ERBB4: variants seen among roughly 807,000 people sequenced by gnomAD.
ERBB4 encodes receptor tyrosine-protein kinase erbB-4.
In ERBB4, 42 loss-of-function variants were observed where a neutral mutation model predicts 158.0. That is an observed-to-expected ratio of 0.27 (90% CI 0.21 to 0.34). ERBB4 has a LOEUF of 0.34. Ranked by LOEUF, ERBB4 falls within the 10% of genes least tolerant of loss-of-function variation. The pLI, the probability that ERBB4 is intolerant of heterozygous loss-of-function variation, is 1.00. For missense variants in ERBB4, 1,333 were observed against 1,624.1 expected, an observed-to-expected ratio of 0.82 and a Z score of 3.08; for synonymous variants, 583 against 558.7, an observed-to-expected ratio of 1.04 and a Z score of -0.61.
intron 1 of ERBB4, among the ~76,000 whole-genome samples, chr2:212,195,712 A>G (rs2082407071): frequency 6.6e-6 from 1 of 152,110 alleles, no homozygotes; most frequent in Non-Finnish European, 1.5e-5. Context: ...ATGGCTTACC[A>G]TATCCCTATA....
chr2:212,367,465 G>A (rs2089932765), intron 1 of ERBB4, among the ~76,000 whole-genome samples: 1 of 152,048 alleles, frequency 6.6e-6, no homozygotes, highest in African/African-American at 2.4e-5. Flanking sequence ...TTAAACTTAA[G>A]ACCTGAAACT....
Position 212,369,484 on chromosome 2 carries a change from C to T in ERBB4, c.82+168965G>A, listed in dbSNP as rs182974533. Among the ~76,000 whole-genome samples the T allele has an allele frequency of 7.2e-5, 11 of 152,006 alleles. No individual in the cohort carries two copies. The East Asian group carries it at 9.7e-4, about 13-fold the overall frequency. On this transcript the variant is annotated intron_variant, in intron 1 of 27. Transcript: ENST00000342788. ...GTATCTGTCCAAAATTAATAATTCC[C>T]GTTATCATTTTTAGTTTTCTATTTT...
chr2:212,003,213 G>GA (rs1559294176), intron 2 of ERBB4, among the ~76,000 whole-genome samples: 3,691 of 35,512 alleles, frequency 0.1, 330 homozygotes, highest in East Asian at 0.22. Context: ...AAGACAGAAA[G>GA]AAGGAAGGAA....
intron 2 of ERBB4, among the ~76,000 whole-genome samples, chr2:211,970,034 C>A (rs1048613093): frequency 1.3e-5 from 2 of 152,020 alleles, no homozygotes; most frequent in Non-Finnish European, 2.9e-5. Flanking sequence ...TCATTTAGTG[C>A]TACAAATTTC....
At chr2:212,110,307 C>T (rs917445868) in intron 2 of ERBB4, among the ~76,000 whole-genome samples, 1 of 152,184 alleles carries the variant, frequency 6.6e-6, no homozygotes, top group Non-Finnish European at 1.5e-5. Flanking sequence ...TTATCCAAAT[C>T]CACCCGTCCC....
chr2:212,032,815 A>T (rs1049662868), intron 2 of ERBB4, among the ~76,000 whole-genome samples: 1 of 151,992 alleles, frequency 6.6e-6, no homozygotes, highest in Non-Finnish European at 1.5e-5. Flanking sequence ...TGGTTCCTGA[A>T]ATAAGAAATT....
intron 1 of ERBB4, among the ~76,000 whole-genome samples, chr2:212,317,097 G>A (rs2087320027): frequency 1.3e-5 from 2 of 151,422 alleles, no homozygotes; most frequent in South Asian, 4.1e-4. Context: ...ATTGTTGAGT[G>A]TCTGAGAAAA....
At chr2:212,127,177 G>A (rs80112461) in intron 1 of ERBB4, among the ~76,000 whole-genome samples, 3,338 of 152,278 alleles carry the variant, frequency 0.022, 129 homozygotes, top group African/African-American at 0.076. Context: ...GGTCATTTGG[G>A]TGTTCCCTAA....
intron 3 of ERBB4, among the ~76,000 whole-genome samples, chr2:211,902,792 C>T (rs1040543775): frequency 2.6e-5 from 4 of 151,594 alleles, no homozygotes; most frequent in Non-Finnish European, 2.9e-5. Flanking sequence ...ATTATAGAGT[C>T]AGATATTTTA....
chr2:211,716,710 C>CAAAAA (rs1405740371), intron 7 of ERBB4, among the ~76,000 whole-genome samples: 1 of 92,754 alleles, frequency 1.1e-5, no homozygotes. Context: ...CAAAACAAAA[C>CAAAAA]AAAAAAAAAC....
intron 19 of ERBB4, among the ~76,000 whole-genome samples, chr2:211,598,514 G>C (rs1442629421): frequency 6.6e-6 from 1 of 152,106 alleles, no homozygotes; most frequent in African/African-American, 2.4e-5. Flanking sequence ...TGTTAAACTG[G>C]GGTATGTTGA....
At chr2:211,596,549 G>GA (rs1336688856) in intron 19 of ERBB4, among the ~76,000 whole-genome samples, 4 of 152,086 alleles carry the variant, frequency 2.6e-5, no homozygotes, top group Admixed American at 1.3e-4. Flanking sequence ...ATAATCTGTA[G>GA]AAATTCCTAA....
intron 3 of ERBB4, among the ~76,000 whole-genome samples, chr2:211,854,929 T>G (rs1430547468): frequency 6.6e-6 from 1 of 152,176 alleles, no homozygotes; most frequent in Non-Finnish European, 1.5e-5. Flanking sequence ...TTAGCCGCTA[T>G]TGCTACGCAG....
At chr2:212,199,086 C>A (rs923495079) in intron 1 of ERBB4, among the ~76,000 whole-genome samples, 4 of 152,126 alleles carry the variant, frequency 2.6e-5, no homozygotes, top group African/African-American at 9.7e-5. Flanking sequence ...CTGTTTTCCA[C>A]AGTGGTTGTG....
chr2:211,568,557 T>G (rs1013912329), intron 19 of ERBB4, among the ~76,000 whole-genome samples: 3 of 152,178 alleles, frequency 2.0e-5, no homozygotes, highest in Admixed American at 6.5e-5. Context: ...TATAGGCTAT[T>G]CTGTTTTTAA....
At chr2:212,380,597 A>C (rs2090471631) in intron 1 of ERBB4, among the ~76,000 whole-genome samples, 2 of 151,038 alleles carry the variant, frequency 1.3e-5, no homozygotes, top group South Asian at 4.1e-4. Context: ...ACTTGATAAA[A>C]AATACACTTA....
At chr2:211,831,846 T>C (rs1281004894) in intron 3 of ERBB4, among the ~76,000 whole-genome samples, 2 of 151,978 alleles carry the variant, frequency 1.3e-5, no homozygotes, top group Non-Finnish European at 2.9e-5. Flanking sequence ...GAGGTTGCAG[T>C]GAGCCGAGGT....
At chr2:211,769,505 A>C (rs148104454) in intron 4 of ERBB4, among the ~76,000 whole-genome samples, 1 of 152,330 alleles carries the variant, frequency 6.6e-6, no homozygotes, top group East Asian at 1.9e-4. Context: ...ATATATAGGA[A>C]AGAGAGTTTA....
At chr2:211,781,549 C>A (rs892920428) in intron 4 of ERBB4, among the ~76,000 whole-genome samples, 2 of 152,052 alleles carry the variant, frequency 1.3e-5, no homozygotes, top group Non-Finnish European at 2.9e-5. Context: ...TGAGAGACAA[C>A]CTTCTAGTTA....
Sources: allele counts gnomAD v4.1 joint callset (sites outside exome capture counted in the v4.1 genomes callset), GRCh38; gene constraint gnomAD v4.1.1; transcripts MANE v1.5; gene names NCBI Gene and HGNC (gene_info 2026-07-23, HGNC 2026-07-21).